Variants in ZNF705B observed in about 807,000 individuals in gnomAD.
ZNF705B encodes Putative zinc finger protein 705D-like protein LOC100132396.
Under a neutral mutation model 10.5 loss-of-function variants are expected in ZNF705B, and 1 was observed. The observed-to-expected ratio is 0.10, with a 90% CI of 0.03 to 0.45. ZNF705B has a LOEUF of 0.45. Among genes scored for constraint, ZNF705B ranks in the 20% least tolerant of loss-of-function variants. ZNF705B has a pLI of 0.97. For missense variants in ZNF705B, 14 were observed against 84.0 expected (o/e 0.17, Z 3.26); for synonymous variants, 4 against 25.4 (o/e 0.16, Z 2.53).
chr8:7,935,274 C>T (rs958449486), intron 2 of ZNF705B, among the ~76,000 whole-genome samples: 1 of 138,266 alleles, frequency 7.2e-6, no homozygotes, highest in Non-Finnish European at 1.6e-5. Flanking sequence ...GAAACCATTG[C>T]ATATATTAAG....
At chr8:7,932,051 G>A (rs867104444) in intron 2 of ZNF705B, among the ~76,000 whole-genome samples, 1 of 119,254 alleles carries the variant, frequency 8.4e-6, no homozygotes, top group Non-Finnish European at 2.0e-5. Context: ...CTGTGTCTGG[G>A]GGCACGTGCA....
In ZNF705B at chr8:7,931,081, G is replaced by A. The variant is rs1210584711; in HGVS notation, c.-72+645G>A. ...TTGGTCAGGCTGGTCTTGAACTCCC[G>A]ACCTCGGGTGATCTGCCCCCCTCAG... On this transcript the variant is annotated intron_variant, in intron 2 of 6. Coordinates refer to ENST00000400120, the MANE Select transcript of ZNF705B (RefSeq NM_001193630.1). Among the ~76,000 whole-genome samples the A allele has an allele frequency of 2.2e-4, 26 of 119,798 alleles. 1 individual carries two copies. Among genetic ancestry groups the A allele is most frequent in the African/African-American group, 6.3e-4 (25 of 39,590 alleles). The allele number at this position is 119,798 out of a possible 152,430, so 78.6% of individuals were successfully genotyped here.
At position 7,931,911 on chromosome 8, in the gene ZNF705B, G is replaced by A. The variant is rs1195381671; in HGVS notation, c.-72+1475G>A. On this transcript the variant is annotated intron_variant, in intron 2 of 6. Coordinates refer to ENST00000400120, the MANE Select transcript of ZNF705B (RefSeq NM_001193630.1). ...TTCAGCTGGTATTGTGACTCTGCAG[G>A]CCTCTGGATGGACATGAGGGAATGT... Among the ~76,000 whole-genome samples, 6 of 125,342 alleles carry A rather than the reference G, an allele frequency of 4.8e-5. 1 individual carries two copies. The highest frequency in any genetic ancestry group is 7.6e-5 in the Non-Finnish European group (4 of 52,732). 82.2% of individuals were successfully genotyped at this position (125,342 alleles called of 152,430 possible). A position where few individuals can be genotyped will look rare whatever the true frequency, so the allele number is the denominator to read the frequency against.
chr8:7,940,518 T>A (rs1245719725), intron 2 of ZNF705B, among the ~76,000 whole-genome samples: 2 of 116,102 alleles, frequency 1.7e-5, no homozygotes, highest in African/African-American at 5.6e-5. Context: ...CTGTAAGCAC[T>A]ATGCTGTAAA....
At chr8:7,930,968 G>A (rs1449750602) in intron 2 of ZNF705B, among the ~76,000 whole-genome samples, 5 of 126,494 alleles carry the variant, frequency 4.0e-5, no homozygotes, top group African/African-American at 1.2e-4. Flanking sequence ...CAATTCTCCT[G>A]CCTCAGCCTC....
rs1162997944 is a variant in ZNF705B, at chr8:7,933,929, CTTTTTTTT to C, written c.-72+3515_-72+3522del. Among the ~76,000 whole-genome samples the C allele has an allele frequency of 1.4e-4, 4 of 29,364 alleles. 1 individual carries two copies. The highest frequency in any genetic ancestry group is 1.8e-3 in the East Asian group (1 of 550). 19.3% of individuals were successfully genotyped at this position (29,364 alleles called of 152,430 possible). ...ATCAAGTCATAACATGTAATATAAACTTTTTTTTTTTTTTTTTTTTTTTTTTTTTGAGA... is the reference window on the plus strand; with the variant it reads ...ATCAAGTCATAACATGTAATATAAACTTTTTTTTTTTTTTTTTTTTTGAGA... On this transcript the variant is annotated intron_variant, in intron 2 of 6. Transcript: ENST00000400120.
At chr8:7,932,210 G>A (rs1819867940) in intron 2 of ZNF705B, among the ~76,000 whole-genome samples, 1 of 121,072 alleles carries the variant, frequency 8.3e-6, no homozygotes, top group Non-Finnish European at 2.0e-5. Context: ...GGACCACTGG[G>A]GCTCTCTTTT....
chr8:7,936,543 A>G lies in ZNF705B; in HGVS notation c.-72+6107A>G, dbSNP rs1278385052. On this transcript the variant is annotated intron_variant, in intron 2 of 6. Coordinates refer to ENST00000400120, the MANE Select transcript of ZNF705B (RefSeq NM_001193630.1). ...ATGTCACGGAATACTATGCATCCATAAAAAGAACAAAATTGTGTCCTTTTC... is the reference window on the plus strand; with the variant it reads ...ATGTCACGGAATACTATGCATCCATGAAAAGAACAAAATTGTGTCCTTTTC... 4.2e-5 allele frequency among the ~76,000 whole-genome samples: 5 copies of G among 120,116 alleles called. 2 individuals carry two copies. Among genetic ancestry groups the G allele is most frequent in the Non-Finnish European group, 8.0e-5 (4 of 50,306 alleles). The allele number at this position is 120,116 out of a possible 152,430, so 78.8% of individuals were successfully genotyped here.
In ZNF705B at chr8:7,929,243, G is replaced by T. The variant is rs1188977018; in HGVS notation, c.-221-1044G>T. 3.3e-4 allele frequency among the ~76,000 whole-genome samples: 40 copies of T among 121,728 alleles called. 12 individuals carry two copies. The highest frequency in any genetic ancestry group is 9.3e-5 in the Admixed American group (1 of 10,778). 79.9% of individuals were successfully genotyped at this position (121,728 alleles called of 152,430 possible). ...CAGTTGACAGAAAGTAATCTTGCAT[G>T]AATTCAAAATGCAATTTTAATCAAA... is the stretch of plus-strand genomic sequence containing the variant. On this transcript the variant is annotated intron_variant, in intron 1 of 6. Coordinates refer to ENST00000400120, the MANE Select transcript of ZNF705B (RefSeq NM_001193630.1).
rs1362091241 is a variant in ZNF705B, at chr8:7,929,360, G to A, written c.-221-927G>A. On this transcript the variant is annotated intron_variant, in intron 1 of 6. Transcript: ENST00000400120. Reference sequence around the variant, plus strand: ...AGAAATAAAAAATGTTTAAAGGGTGGTTTTCTTTATATTTCCAAAAGGAAA... The same window carrying A: ...AGAAATAAAAAATGTTTAAAGGGTGATTTTCTTTATATTTCCAAAAGGAAA... Among the ~76,000 whole-genome samples the A allele has an allele frequency of 1.1e-4, 13 of 121,148 alleles. 4 individuals are homozygous for A. Among genetic ancestry groups the A allele is most frequent in the Non-Finnish European group, 2.2e-4 (11 of 50,368 alleles). 79.5% of individuals were successfully genotyped at this position (121,148 alleles called of 152,430 possible). A position where few individuals can be genotyped will look rare whatever the true frequency, so the allele number is the denominator to read the frequency against.
At chr8:7,944,906 G>T in intron 2 of ZNF705B, among the ~76,000 whole-genome samples, 1 of 73,560 alleles carries the variant, frequency 1.4e-5, no homozygotes, top group African/African-American at 3.8e-5. Context: ...GGAGGTGGAG[G>T]TTGCGGTGAG....
At chr8:7,927,417 A>G (rs2739884) in intron 1 of ZNF705B, among the ~76,000 whole-genome samples, 6 of 121,048 alleles carry the variant, frequency 5.0e-5, no homozygotes, top group African/African-American at 7.5e-5. Flanking sequence ...CTAATGACCA[A>G]TGATGATGAG....
chr8:7,937,288 G>T (rs1204780675), intron 2 of ZNF705B, among the ~76,000 whole-genome samples: 15 of 114,876 alleles, frequency 1.3e-4, no homozygotes, highest in African/African-American at 3.9e-4. Context: ...ACAAAAAGTT[G>T]GCAGTTCTGC....
In ZNF705B at chr8:7,934,692, C is replaced by CTGTGTGTGTGTGTGTGTGTG. The variant is rs772466497; in HGVS notation, c.-72+4266_-72+4285dup. Reference sequence around the variant, plus strand: ...ATCTTGTGTGGATTTGTGTGTGTGTCTGTGTGTGTGTGTGTGTGTGTGTGT... The same window carrying CTGTGTGTGTGTGTGTGTGTG: ...ATCTTGTGTGGATTTGTGTGTGTGTCTGTGTGTGTGTGTGTGTGTGTGTGTGTGTGTGTGTGTGTGTGTGT... On this transcript the variant is annotated intron_variant, in intron 2 of 6. Coordinates refer to ENST00000400120, the MANE Select transcript of ZNF705B (RefSeq NM_001193630.1). 52 of 78,950 alleles carry CTGTGTGTGTGTGTGTGTGTG rather than the reference C, an allele frequency of 6.6e-4. 1 individual carries two copies. Among genetic ancestry groups the CTGTGTGTGTGTGTGTGTGTG allele is most frequent in the Middle Eastern group, 7.1e-3 (2 of 282 alleles). 4.9% of individuals were successfully genotyped at this position (78,950 alleles called of 1,614,324 possible).
At chr8:7,928,026 AG>A (rs1263629482) in intron 1 of ZNF705B, among the ~76,000 whole-genome samples, 15 of 127,286 alleles carry the variant, frequency 1.2e-4, no homozygotes, top group African/African-American at 3.9e-4. Context: ...TAATATAAAC[AG>A]GGTGGCTTAT....
At chr8:7,930,187 G>C (rs4610778) in intron 1 of ZNF705B, 100 bp from the exon 2 acceptor site, 33,253 of 115,758 alleles carry the variant, frequency 0.29, 4,628 homozygotes, top group East Asian at 0.5. Flanking sequence ...TTATGTCCAT[G>C]TCTGCTCAAT....
chr8:7,927,447 G>T lies in ZNF705B; in HGVS notation c.-222+1050G>T, dbSNP rs541008518. On this transcript the variant is annotated intron_variant, in intron 1 of 6. Transcript: ENST00000400120. The stretch of plus-strand genomic sequence containing the variant: ...GATGAGCTTTTTTTCATGTTTGTTG[G>T]CTGCATAAATGTCTTTTTTTGAGAA... Among the ~76,000 whole-genome samples, 225 of 120,896 alleles carry T rather than the reference G, an allele frequency of 1.9e-3. 10 individuals carry two copies. The highest frequency in any genetic ancestry group is 4.9e-3 in the African/African-American group (195 of 39,846). 79.3% of individuals were successfully genotyped at this position (120,896 alleles called of 152,430 possible).
At chr8:7,941,191 T>C (rs1192407771) in intron 2 of ZNF705B, among the ~76,000 whole-genome samples, 1 of 145,504 alleles carries the variant, frequency 6.9e-6, no homozygotes, top group African/African-American at 2.5e-5. Flanking sequence ...TTATATTCCT[T>C]TGGGTATATA....
chr8:7,931,307 T>C (rs1250198851), intron 2 of ZNF705B, among the ~76,000 whole-genome samples: 1 of 121,586 alleles, frequency 8.2e-6, no homozygotes, highest in Non-Finnish European at 2.0e-5. Flanking sequence ...GGCAACATGA[T>C]GGACAGAGTA....
Sources: allele counts gnomAD v4.1 joint callset (sites outside exome capture counted in the v4.1 genomes callset), GRCh38; gene constraint gnomAD v4.1.1; transcripts MANE v1.5; gene names NCBI Gene and HGNC (gene_info 2026-07-23, HGNC 2026-07-21).